Variants in RBFOX3 observed in about 807,000 individuals in gnomAD.
The protein encoded by RBFOX3 is RNA binding protein fox-1 homolog 3.
A neutral mutation model predicts 48.7 loss-of-function variants in RBFOX3; 17 were observed. The observed-to-expected ratio is 0.35, with a 90% CI of 0.24 to 0.52. The LOEUF (loss-of-function observed/expected upper bound fraction) is 0.52, where lower values mean the gene tolerates loss of function less well. Among genes scored for constraint, RBFOX3 ranks in the 20% least tolerant of loss-of-function variants. The probability of loss-of-function intolerance (pLI) is 0.94; values close to 1 mark genes in which losing one functional copy is unlikely to be tolerated. For missense variants in RBFOX3, 382 were observed against 497.5 expected (o/e 0.77, Z 2.21); for synonymous variants, 212 against 209.5 (o/e 1.01, Z -0.10).
chr17:79,417,829 G>A (rs574426448), intron 2 of RBFOX3, among the ~76,000 whole-genome samples: 1 of 152,362 alleles, frequency 6.6e-6, no homozygotes, highest in South Asian at 2.1e-4. Context: ...CAGTGTCCAC[G>A]GATGGACGAA....
rs2092308354 is a variant in RBFOX3, at chr17:79,563,032, T to C, written c.-320+47794A>G. ...TGCCAGCCAGCACTCGCCCACTGCC[T>C]CCGCCTGGCCCCTGCGCAGCAGCAG... On this transcript the variant is annotated intron_variant, in intron 1 of 14. Transcript: ENST00000693108. 2.6e-5 allele frequency among the ~76,000 whole-genome samples: 4 copies of C among 152,218 alleles called. No homozygotes were observed. In the South Asian group the frequency reaches 8.3e-4, roughly 32 times the overall value.
intron 4 of RBFOX3, among the ~76,000 whole-genome samples, chr17:79,182,175 T>C (rs1192631995): frequency 6.6e-6 from 1 of 152,080 alleles, no homozygotes; most frequent in Non-Finnish European, 1.5e-5. Context: ...GAACGCGTCC[T>C]ATGGGAACCC....
intron 3 of RBFOX3, among the ~76,000 whole-genome samples, chr17:79,303,890 C>T (rs1336889110): frequency 6.8e-6 from 1 of 146,004 alleles, no homozygotes; most frequent in East Asian, 2.1e-4. Flanking sequence ...CATGTGTGTA[C>T]TTGGCCACAC....
At chr17:79,283,716 T>C (rs1158885614) in intron 3 of RBFOX3, among the ~76,000 whole-genome samples, 1 of 152,220 alleles carries the variant, frequency 6.6e-6, no homozygotes, top group East Asian at 1.9e-4. Flanking sequence ...CCTCCCGATG[T>C]CAGACCCGAG....
chr17:79,221,459 TGAGA>T (rs763325167), intron 4 of RBFOX3, among the ~76,000 whole-genome samples: 1 of 151,460 alleles, frequency 6.6e-6, no homozygotes, highest in African/African-American at 2.4e-5. Flanking sequence ...CTCTGGAGAG[TGAGA>T]GAGTGATGCA....
chr17:79,391,424 G>C lies in RBFOX3; in HGVS notation c.-174-83600C>G, dbSNP rs2042647941. ...CGGGCAGGTTACCTAACTTCTCTGA[G>C]CCTCAGTCTCCTCTGCTTAATAATG... On this transcript the variant is annotated intron_variant, in intron 2 of 14. Coordinates refer to ENST00000693108, the MANE Select transcript of RBFOX3 (RefSeq NM_001350451.2). This position sits in a 1 kb window ranked among gnomAD's most constrained non-coding sequence, Gnocchi z 5.0. Among the ~76,000 whole-genome samples the C allele has an allele frequency of 6.6e-6, 1 of 152,148 alleles. No homozygotes were observed. The highest frequency in any genetic ancestry group is 2.1e-4 in the South Asian group (1 of 4,834).
At chr17:79,272,618 T>C (rs942809402) in intron 3 of RBFOX3, among the ~76,000 whole-genome samples, 1 of 152,148 alleles carries the variant, frequency 6.6e-6, no homozygotes, top group Admixed American at 6.5e-5. Context: ...TCTCCTGTCC[T>C]CCTATCAGAT....
intron 3 of RBFOX3, among the ~76,000 whole-genome samples, chr17:79,264,623 G>A (rs934701806): frequency 2.0e-5 from 3 of 152,112 alleles, no homozygotes; most frequent in Non-Finnish European, 2.9e-5. Flanking sequence ...ACTCATCCAC[G>A]TGCTCTGGTC....
intron 4 of RBFOX3, among the ~76,000 whole-genome samples, chr17:79,181,795 G>A (rs2052005568): frequency 6.6e-6 from 1 of 152,134 alleles, no homozygotes; most frequent in African/African-American, 2.4e-5. Context: ...AAGTGCCCAG[G>A]GGCTAGCTGC....
In RBFOX3 at chr17:79,227,621, C is replaced by T. The variant is rs191397528; in HGVS notation, c.-34+8145G>A. The stretch of plus-strand genomic sequence containing the variant: ...ATGGCGGCGTGGGGAGGCTGACTGG[C>T]GGCGGTTACTCACTCTTCCATGGCT... On this transcript the variant is annotated intron_variant, in intron 4 of 14. Transcript: ENST00000693108. Among the ~76,000 whole-genome samples, 853 of 152,278 alleles carry T rather than the reference C, an allele frequency of 5.6e-3. 16 individuals are homozygous for T. The highest frequency in any genetic ancestry group is 0.047 in the Admixed American group (722 of 15,298).
intron 4 of RBFOX3, among the ~76,000 whole-genome samples, chr17:79,125,227 GCTGT>G (rs1392920735): frequency 3.9e-5 from 6 of 151,922 alleles, no homozygotes; most frequent in Non-Finnish European, 7.4e-5. Flanking sequence ...GCTGTGGCTG[GCTGT>G]CTGAGCCACA....
At chr17:79,430,103 C>G (rs1387384081) in intron 2 of RBFOX3, among the ~76,000 whole-genome samples, 2 of 152,076 alleles carry the variant, frequency 1.3e-5, no homozygotes, top group African/African-American at 4.8e-5. Context: ...TGAGTGATTT[C>G]CCCCAGCGTT....
chr17:79,420,183 G>C (rs1209252279), intron 2 of RBFOX3, among the ~76,000 whole-genome samples: 1 of 123,922 alleles, frequency 8.1e-6, no homozygotes, highest in African/African-American at 3.4e-5. Flanking sequence ...ACAAAAGATG[G>C]TTAACAGGTG....
the RBFOX3 span, among the ~76,000 whole-genome samples, chr17:79,645,712 G>A: frequency 4.6e-5 from 7 of 152,262 alleles, no homozygotes; most frequent in South Asian, 2.1e-4. Flanking sequence ...GGACCGCAGC[G>A]GCCTCCTTCA....
chr17:79,310,670 C>T lies in RBFOX3; in HGVS notation c.-174-2846G>A, dbSNP rs530070480. On this transcript the variant is annotated intron_variant, in intron 2 of 14. Coordinates refer to ENST00000693108, the MANE Select transcript of RBFOX3 (RefSeq NM_001350451.2). ...ACCCTCCTCCCGCATTCCCCAGCCTCTGCCCGGGCCCTTCTGTGGAGGGAG... is the reference window on the plus strand; with the variant it reads ...ACCCTCCTCCCGCATTCCCCAGCCTTTGCCCGGGCCCTTCTGTGGAGGGAG... Among the ~76,000 whole-genome samples the T allele has an allele frequency of 7.2e-5, 11 of 152,356 alleles. No homozygotes were observed. In the South Asian group the frequency reaches 1.4e-3, roughly 20 times the overall value.
At chr17:79,563,561 T>G (rs2092338160) in intron 1 of RBFOX3, among the ~76,000 whole-genome samples, 2 of 152,254 alleles carry the variant, frequency 1.3e-5, no homozygotes, top group African/African-American at 4.8e-5. Flanking sequence ...ATTTTTTAAG[T>G]CTTTGCTAAC....
At chr17:79,154,218 C>T (rs796493426) in intron 4 of RBFOX3, among the ~76,000 whole-genome samples, 5 of 152,064 alleles carry the variant, frequency 3.3e-5, no homozygotes, top group East Asian at 3.9e-4. Flanking sequence ...TCAGGGCCCT[C>T]GTACATGCCC....
At chr17:79,578,784 C>G (rs1466587838) in intron 1 of RBFOX3, among the ~76,000 whole-genome samples, 1 of 152,162 alleles carries the variant, frequency 6.6e-6, no homozygotes, top group East Asian at 1.9e-4. Context: ...GTAGGGTTTG[C>G]TTGGCATTGG....
At chr17:79,544,404 C>T (rs1750173032) in intron 1 of RBFOX3, among the ~76,000 whole-genome samples, 1 of 152,124 alleles carries the variant, frequency 6.6e-6, no homozygotes, top group South Asian at 2.1e-4. Context: ...CGAGGAAATA[C>T]AGAAAACTGG....
Sources: gnomAD v4.1 joint callset for allele counts (sites outside exome capture counted in the v4.1 genomes callset) on GRCh38, gnomAD v4.1.1 for gene constraint, Gnocchi (gnomAD v3.1) non-coding constraint, MANE v1.5 for transcripts, NCBI Gene and HGNC (gene_info 2026-07-23, HGNC 2026-07-21) for gene names.